Variants in MZT2A observed in about 807,000 individuals in gnomAD.
MZT2A encodes the protein mitotic-spindle organizing protein 2A.
Under a neutral mutation model 12.4 loss-of-function variants are expected in MZT2A, and 8 were observed. That is an observed-to-expected ratio of 0.64 (90% CI 0.38 to 1.16). MZT2A has a LOEUF of 1.16. Among genes scored for constraint, MZT2A ranks in the 50% most tolerant of loss-of-function variants. The pLI, the probability that MZT2A is intolerant of heterozygous loss-of-function variation, is 0.01. For synonymous variants in MZT2A, 88 were observed against 107.5 expected (o/e 0.82, Z 1.12); for missense variants, 181 against 223.6 (o/e 0.81, Z 1.22).
intron 2 of MZT2A, among the ~76,000 whole-genome samples, chr2:131,484,818 C>G (rs1678992245): frequency 6.6e-6 from 1 of 152,202 alleles, no homozygotes; most frequent in Non-Finnish European, 1.5e-5. Context: ...GATTCCATGA[C>G]AGGGTTCCTG....
intron 2 of MZT2A, among the ~76,000 whole-genome samples, chr2:131,473,391 T>C (rs1253239190): frequency 6.8e-6 from 1 of 148,066 alleles, no homozygotes; most frequent in Admixed American, 6.6e-5. Context: ...CAGAAAAGTC[T>C]CAACTCCTGG....
downstream of MZT2A, chr2:131,480,191 G>A (rs1463122033): frequency 6.2e-7 from 1 of 1,613,850 alleles, no homozygotes; most frequent in Admixed American, 1.7e-5. Context: ...AGAAGTCCAA[G>A]CTAGAGTTTG....
At chr2:131,487,573 T>C (rs1195157467) in intron 2 of MZT2A, among the ~76,000 whole-genome samples, 1 of 152,256 alleles carries the variant, frequency 6.6e-6, no homozygotes. Flanking sequence ...CAATATGTAG[T>C]CAGTACATAA....
At chr2:131,478,972 A>T (rs181943741), downstream of MZT2A, among the ~76,000 whole-genome samples, 237 of 152,264 alleles carry the variant, frequency 1.6e-3, no homozygotes, top group African/African-American at 5.5e-3. Context: ...CCCAGGTTGT[A>T]AGAGTTTCTA....
intron 2 of MZT2A, chr2:131,476,065 G>A (rs1678652390): frequency 6.5e-7 from 1 of 1,528,186 alleles, no homozygotes; most frequent in South Asian, 1.2e-5. Flanking sequence ...GGAACTCCGA[G>A]CCAATGGCGG....
chr2:131,476,341 A>G lies in MZT2A; in HGVS notation c.279-4159T>C, dbSNP rs1678666337. On this transcript the variant is annotated intron_variant and NMD_transcript_variant, in intron 2 of 4. Transcript: ENST00000427024. ...GCAGGGTCTAGTGCGGGACAGGAGG[A>G]CACGGGATCGTTTCCTGGATCTTTG... 1.4e-5 allele frequency: 21 copies of G among 1,458,316 alleles called. No homozygotes were observed. In the South Asian group the frequency reaches 2.6e-4, roughly 18 times the overall value. The allele number at this position is 1,458,316 out of a possible 1,614,324, so 90.3% of individuals were successfully genotyped here.
intron 2 of MZT2A, among the ~76,000 whole-genome samples, chr2:131,472,915 C>CCA (rs1678497194): frequency 6.6e-6 from 1 of 151,274 alleles, no homozygotes; most frequent in African/African-American, 2.5e-5. Flanking sequence ...AATGGTGTCC[C>CCA]CCCCCACCAA....
chr2:131,490,766 G>A, intron 2 of MZT2A: 2 of 1,549,120 alleles, frequency 1.3e-6, no homozygotes, highest in Non-Finnish European at 8.7e-7. Flanking sequence ...CGGGGGGCCT[G>A]GAGAGAGAGG....
intron 2 of MZT2A, among the ~76,000 whole-genome samples, chr2:131,475,503 A>G (rs968488596): frequency 5.3e-5 from 8 of 150,606 alleles, no homozygotes; most frequent in African/African-American, 1.7e-4. Context: ...TAATTTTTGT[A>G]TTTTTAGTAG....
chr2:131,470,585 C>T (rs544425321), intron 3 of MZT2A, among the ~76,000 whole-genome samples: 19 of 152,344 alleles, frequency 1.2e-4, no homozygotes, highest in African/African-American at 4.1e-4. Context: ...CAAGAAAGAC[C>T]CTGCAACTGC....
downstream of MZT2A, among the ~76,000 whole-genome samples, chr2:131,480,910 C>CT (rs375835410): frequency 4.5e-3 from 652 of 146,024 alleles, 4 homozygotes; most frequent in Middle Eastern, 0.032. Context: ...TCAGTGATTT[C>CT]TTTTTTTTTT....
chr2:131,492,065 C>T (rs1274250659), intron 1 of MZT2A, 41 bp from the exon 2 acceptor site: 3 of 1,560,970 alleles, frequency 1.9e-6, no homozygotes, highest in Non-Finnish European at 8.7e-7. Flanking sequence ...CCTCTCCGCC[C>T]GGCGCGGCCA....
chr2:131,483,824 C>A, downstream of MZT2A: 1 of 920,888 alleles, frequency 1.1e-6, no homozygotes, highest in Non-Finnish European at 1.4e-6. Flanking sequence ...TTCCTCAGAA[C>A]CCAAATCAGG....
At position 131,476,046 on chromosome 2, in the gene MZT2A, C is replaced by T. The variant is rs1408757752; in HGVS notation, c.279-3864G>A. ...CAGAACTGGGATCCGGCCCTCAGCC[C>T]GCCTCCCAGGAACTCCGAGCCAATG... On this transcript the variant is annotated intron_variant and NMD_transcript_variant, in intron 2 of 4. Coordinates refer to the MZT2A transcript ENST00000427024. 26 of 1,441,866 alleles carry T rather than the reference C, an allele frequency of 1.8e-5. No individual in the cohort carries two copies. In the East Asian group the frequency reaches 5.7e-4, roughly 32 times the overall value. 89.3% of individuals were successfully genotyped at this position (1,441,866 alleles called of 1,614,324 possible). A position where few individuals can be genotyped will look rare whatever the true frequency, so the allele number is the denominator to read the frequency against.
upstream of MZT2A, chr2:131,493,121 C>T (rs1182125494): frequency 8.1e-6 from 12 of 1,484,890 alleles, no homozygotes; most frequent in Middle Eastern, 1.8e-4. Context: ...CTGAAGCGGG[C>T]GACGCTATGG....
chr2:131,482,565 A>G (rs777438553), downstream of MZT2A: 2 of 1,606,428 alleles, frequency 1.2e-6, no homozygotes, highest in African/African-American at 1.3e-5. Flanking sequence ...GGCATTAACT[A>G]CCAGCCCCCC....
Position 131,484,014 on chromosome 2 carries a change from A to G in MZT2A, c.*47T>C, listed in dbSNP as rs1158252337. The G allele has an allele frequency of 6.4e-7, 1 of 1,571,762 alleles. No homozygotes were observed. The highest frequency in any genetic ancestry group is 8.7e-7 in the Non-Finnish European group (1 of 1,153,490). On this transcript the variant is annotated 3_prime_UTR_variant, in exon 3 of 3. Coordinates refer to ENST00000309451, the MANE Select transcript of MZT2A (RefSeq NM_001085365.2). Reference sequence around the variant, plus strand: ...TTTATTATCAACTGAAGGAGGTAACATGTAGCCTTTGCTGGGGACAAAGAT... The same window carrying G: ...TTTATTATCAACTGAAGGAGGTAACGTGTAGCCTTTGCTGGGGACAAAGAT...
chr2:131,476,110 A>C (rs984341060), intron 2 of MZT2A: 24 of 1,602,338 alleles, frequency 1.5e-5, no homozygotes, highest in South Asian at 2.2e-5. Context: ...TGCGGCGCGC[A>C]CAGGCAGGAG....
chr2:131,484,071 C>T lies in MZT2A; in HGVS notation c.467G>A (p.Gly156Asp). The change falls in exon 3 of 3, where the codon GGC becomes GAC. Residue 156 changes from glycine (G) to aspartate (D), a missense_variant. Transcript: ENST00000309451. Reference protein sequence around the residue: ...GGGPGKSPTQGST With the variant: ...GGGPGKSPTQDST ...AGTCTCTGCCCCATCCTAGGTGCTG[C>T]CCTGCGTAGGGCTCTTCCCAGGCCC... is the stretch of plus-strand genomic sequence containing the variant. 1 of 1,610,588 alleles carries T rather than the reference C, an allele frequency of 6.2e-7. No individual in the cohort carries two copies. Among genetic ancestry groups the T allele is most frequent in the South Asian group, 1.1e-5 (1 of 90,990 alleles).
Sources: allele counts gnomAD v4.1 joint callset (sites outside exome capture counted in the v4.1 genomes callset), GRCh38; gene constraint gnomAD v4.1.1; transcripts MANE v1.5; gene names NCBI Gene and HGNC (gene_info 2026-07-23, HGNC 2026-07-21).